The following DARS1 variants were observed in gnomAD, a reference collection of about 807,000 sequenced individuals.
DARS1 encodes aspartate--tRNA ligase, cytoplasmic.
Under a neutral mutation model 68.8 loss-of-function variants are expected in DARS1, and 51 were observed. The ratio of observed to expected loss-of-function variants is 0.74; its 90% CI spans 0.59 to 0.94. The LOEUF is 0.94. DARS1 is among the 40% of genes least tolerant of loss of function. The pLI, the probability that DARS1 is intolerant of heterozygous loss-of-function variation, is 0.00. For missense variants in DARS1, 607 were observed against 597.3 expected (o/e 1.02, Z -0.17); for synonymous variants, 203 against 190.4 (o/e 1.07, Z -0.55).
chr2:135,947,200 GT>G (rs1681743945), intron 4 of DARS1, among the ~76,000 whole-genome samples: 6 of 152,232 alleles, frequency 3.9e-5, no homozygotes, highest in Admixed American at 2.6e-4. Context: ...GAGGTCAGGA[GT>G]TTAAGACCAG....
intron 4 of DARS1, among the ~76,000 whole-genome samples, chr2:135,959,222 T>C (rs963092692): frequency 2.7e-5 from 4 of 150,902 alleles, no homozygotes; most frequent in African/African-American, 9.7e-5. Context: ...AGAAACCTCG[T>C]CTCTACTAAA....
intron 15 of DARS1, among the ~76,000 whole-genome samples, chr2:135,908,477 A>C (rs1680832457): frequency 6.6e-6 from 1 of 152,214 alleles, no homozygotes; most frequent in African/African-American, 2.4e-5. Context: ...TCAATCTGTG[A>C]GGAATCGCCA....
At chr2:135,920,373 G>A in intron 10 of DARS1, 80 bp downstream of exon 10, 10 of 1,497,642 alleles carry the variant, frequency 6.7e-6, no homozygotes, top group Non-Finnish European at 8.9e-6. Context: ...AAGTTTGTAT[G>A]TTTAAATTGA....
chr2:135,920,458 T>G lies in DARS1; in HGVS notation c.954A>C (p.Gln318His). The change falls in exon 10 of 16, where the codon CAA (glutamine) becomes CAC (histidine). Residue 318 changes from glutamine to histidine, a missense_variant. Gln to His is a conservative substitution (Grantham distance 24). Coordinates refer to ENST00000264161, the MANE Select transcript of DARS1 (RefSeq NM_001349.4). ...GTGCATAAAATACTTTTTACCTTTC[T>G]TGAAGTCCTTTGAATATTTGTACCA... ...DTMVQIFKGL[Q>H]ERFQTEIQTV... 1 of 1,612,504 alleles carries G rather than the reference T, an allele frequency of 6.2e-7. No individual in the cohort carries two copies. Among genetic ancestry groups the G allele is most frequent in the Non-Finnish European group, 8.5e-7 (1 of 1,179,410 alleles).
rs527618265 is a variant in DARS1 at position 135,963,661 on chromosome 2, C to T, written c.218-2163G>A. On this transcript the variant is annotated intron_variant, in intron 3 of 15. Transcript: ENST00000264161. ...TGCTGGGATTACAGGTGTGAGCCATCGCGCCTGGCCTATTAATGACTTCTT... is the reference window on the plus strand; with the variant it reads ...TGCTGGGATTACAGGTGTGAGCCATTGCGCCTGGCCTATTAATGACTTCTT... 2.3e-3 allele frequency among the ~76,000 whole-genome samples: 334 copies of T among 144,160 alleles called. 1 individual carries two copies. The highest frequency in any genetic ancestry group is 4.9e-3 in the Middle Eastern group (1 of 206). 94.6% of individuals were successfully genotyped at this position (144,160 alleles called of 152,430 possible). A position where few individuals can be genotyped will look rare whatever the true frequency, so the allele number is the denominator to read the frequency against.
chr2:135,979,239 T>C (rs770612651), intron 3 of DARS1, 35 bp downstream of exon 3: 11 of 916,218 alleles, frequency 1.2e-5, no homozygotes, highest in Non-Finnish European at 2.0e-5. Flanking sequence ...TCGGAGTCCT[T>C]ACCGAAAGAG....
intron 4 of DARS1, among the ~76,000 whole-genome samples, chr2:135,955,744 T>C (rs1307300809): frequency 1.5e-5 from 2 of 137,318 alleles, no homozygotes; most frequent in African/African-American, 5.5e-5. Flanking sequence ...TGGAGTGCTG[T>C]GGCACAATCT....
chr2:135,985,236 TG>T, intron 1 of DARS1, 166 bp downstream of exon 1: 3 of 1,139,736 alleles, frequency 2.6e-6, no homozygotes, highest in Non-Finnish European at 3.6e-6. Flanking sequence ...GGAGAGGGTC[TG>T]GCCCCACTGC....
Position 135,914,520 on chromosome 2 carries a change from G to T in DARS1, c.1107-9C>A. Reference sequence around the variant, plus strand: ...GCTTTTCATTTGGTGTGCTGAAAAAGAAACGTGAAATCAGTGTTTGAAGAT... The same window carrying T: ...GCTTTTCATTTGGTGTGCTGAAAAATAAACGTGAAATCAGTGTTTGAAGAT... On this transcript the variant is annotated splice_polypyrimidine_tract_variant and intron_variant, in intron 11 of 15. Transcript: ENST00000264161. 7.2e-7 allele frequency: 1 copy of T among 1,393,832 alleles called. No individual in the cohort carries two copies. Among genetic ancestry groups the T allele is most frequent in the Non-Finnish European group, 1.0e-6 (1 of 979,000 alleles). 86.3% of individuals were successfully genotyped at this position (1,393,832 alleles called of 1,614,324 possible). A position where few individuals can be genotyped will look rare whatever the true frequency, so the allele number is the denominator to read the frequency against.
chr2:135,921,877 C>T (rs576621036), intron 9 of DARS1, among the ~76,000 whole-genome samples: 92 of 152,290 alleles, frequency 6.0e-4, no homozygotes, highest in Middle Eastern at 3.4e-3. Context: ...GTTATATAAG[C>T]AGCAGGTGTT....
At chr2:135,947,091 T>G (rs1214893141) in intron 4 of DARS1, among the ~76,000 whole-genome samples, 1 of 148,590 alleles carries the variant, frequency 6.7e-6, no homozygotes, top group Admixed American at 6.7e-5. Context: ...AAACACACTT[T>G]TATTTTTATA....
intron 4 of DARS1, 63 bp downstream of exon 4, chr2:135,961,333 C>T (rs1238396983): frequency 4.7e-6 from 4 of 850,160 alleles, no homozygotes; most frequent in African/African-American, 1.7e-5. Context: ...ATGGTCCAAA[C>T]CCCTGGGAGT....
At chr2:135,938,231 A>G (rs191233553) in intron 5 of DARS1, among the ~76,000 whole-genome samples, 54 of 152,142 alleles carry the variant, frequency 3.5e-4, no homozygotes, top group African/African-American at 1.3e-3. Flanking sequence ...GCTTCATTTC[A>G]TTCATTTGAT....
Position 135,924,434 on chromosome 2 carries a change from A to C in DARS1, c.629T>G (p.Leu210Ter). The change falls in exon 8 of 16, where the codon TTA becomes TGA. Residue 210 changes from leucine (L) to a stop codon, truncating the protein, a stop_gained. Transcript: ENST00000264161. LOFTEE classifies it high-confidence loss of function. ...SGICHLFRET[L>*]INKGFVEIQT... Reference sequence around the variant, plus strand: ...GATTTCCACAAAACCTTTGTTAATTAAAGTTTCTCGGAAGAGATGGCAGAT... The same window carrying C: ...GATTTCCACAAAACCTTTGTTAATTCAAGTTTCTCGGAAGAGATGGCAGAT... The C allele has an allele frequency of 6.2e-7, 1 of 1,609,842 alleles. No homozygotes were observed. The highest frequency in any genetic ancestry group is 8.5e-7 in the Non-Finnish European group (1 of 1,178,898).
chr2:135,962,620 A>G (rs974120136), intron 3 of DARS1, among the ~76,000 whole-genome samples: 1 of 152,246 alleles, frequency 6.6e-6, no homozygotes, highest in African/African-American at 2.4e-5. Flanking sequence ...GTCAACACAG[A>G]CATAATCTAT....
Position 135,951,318 on chromosome 2 carries a change from G to A in DARS1, c.321-7838C>T, listed in dbSNP as rs1216088397. Among the ~76,000 whole-genome samples the A allele has an allele frequency of 3.3e-5, 5 of 152,208 alleles. No homozygotes were observed. In the East Asian group the frequency reaches 9.6e-4, roughly 29 times the overall value. On this transcript the variant is annotated intron_variant, in intron 4 of 15. Coordinates refer to ENST00000264161, the MANE Select transcript of DARS1 (RefSeq NM_001349.4). Reference sequence around the variant, plus strand: ...AAGATGAGCCCATCTCAGTTCCAAAGAGTGGGTCATGTGTACTCTCAGTCC... The same window carrying A: ...AAGATGAGCCCATCTCAGTTCCAAAAAGTGGGTCATGTGTACTCTCAGTCC...
At chr2:135,932,873 T>C in intron 6 of DARS1, 31 bp from the exon 7 acceptor site, 3 of 969,000 alleles carry the variant, frequency 3.1e-6, no homozygotes, top group South Asian at 3.0e-5. Flanking sequence ...AAGAAAAAAA[T>C]AAATTTTACT....
chr2:135,933,078 C>G (rs748111142), intron 6 of DARS1, among the ~76,000 whole-genome samples: 3 of 152,104 alleles, frequency 2.0e-5, no homozygotes, highest in Non-Finnish European at 2.9e-5. Context: ...TCTTTCCCTC[C>G]TCCACCCCTC....
chr2:135,955,410 T>C (rs1027966632), intron 4 of DARS1, among the ~76,000 whole-genome samples: 31 of 152,088 alleles, frequency 2.0e-4, no homozygotes, highest in African/African-American at 7.5e-4. Context: ...AATTTTTAAA[T>C]CTTTGCAAGG....
Sources: gnomAD v4.1 joint callset for allele counts (sites outside exome capture counted in the v4.1 genomes callset) on GRCh38, gnomAD v4.1.1 for gene constraint, MANE v1.5 for transcripts, NCBI Gene and HGNC (gene_info 2026-07-23, HGNC 2026-07-21) for gene names.